HMCN2: variants seen among roughly 807,000 people sequenced by gnomAD.
The protein encoded by HMCN2 is hemicentin-2.
In HMCN2, 325 loss-of-function variants were observed where a neutral mutation model predicts 377.5. The observed-to-expected ratio is 0.86, with a 90% CI of 0.79 to 0.94. The LOEUF is 0.94. HMCN2 is among the 40% of genes least tolerant of loss of function. The probability of loss-of-function intolerance (pLI) is 0.00; values close to 1 mark genes in which losing one functional copy is unlikely to be tolerated. For synonymous variants in HMCN2, 2,007 were observed against 2,046.8 expected, an observed-to-expected ratio of 0.98 and a Z score of 0.53; for missense variants, 4,543 against 4,725.3, an observed-to-expected ratio of 0.96 and a Z score of 1.13.
Position 130,348,537 on chromosome 9 carries a change from C to A in HMCN2, c.4025-8C>A. On this transcript the variant is annotated splice_polypyrimidine_tract_variant and splice_region_variant and intron_variant, in intron 26 of 97. Coordinates refer to ENST00000683500, the MANE Select transcript of HMCN2 (RefSeq NM_001291815.2). Reference sequence around the variant, plus strand: ...GGAAGCAGCTCCTCGGCTCTCCTTGCCCCCAAGTGCCCCCCAGCATCCGGG... The same window carrying A: ...GGAAGCAGCTCCTCGGCTCTCCTTGACCCCAAGTGCCCCCCAGCATCCGGG... 1 of 1,303,440 alleles carries A rather than the reference C, an allele frequency of 7.7e-7. No homozygotes were observed. Among genetic ancestry groups the A allele is most frequent in the Non-Finnish European group, 1.0e-6 (1 of 988,676 alleles). 80.7% of individuals were successfully genotyped at this position (1,303,440 alleles called of 1,614,324 possible). A position where few individuals can be genotyped will look rare whatever the true frequency, so the allele number is the denominator to read the frequency against.
At chr9:130,313,606 C>CCCA (rs1554939716) in intron 15 of HMCN2, among the ~76,000 whole-genome samples, 1 of 151,770 alleles carries the variant, frequency 6.6e-6, no homozygotes, top group Non-Finnish European at 1.5e-5. Context: ...GGGCACCCCC[C>CCCA]CCCATAAACC....
At chr9:130,384,107 G>A (rs964844913) in intron 57 of HMCN2, among the ~76,000 whole-genome samples, 1 of 152,224 alleles carries the variant, frequency 6.6e-6, no homozygotes. Context: ...AGCCCTCAAG[G>A]TCATGGGCTC....
chr9:130,399,073 T>G (rs1842744098), intron 75 of HMCN2, among the ~76,000 whole-genome samples: 1 of 151,700 alleles, frequency 6.6e-6, no homozygotes, highest in Non-Finnish European at 1.5e-5. Context: ...GGCAACATAG[T>G]GAGACCCCAT....
rs528022430 is a variant in HMCN2 at position 130,428,313 on chromosome 9, C to T, written c.14066-45C>T. The T allele has an allele frequency of 8.7e-6, 13 of 1,491,072 alleles. No homozygotes were observed. The African/African-American group carries it at 1.8e-4, about 21-fold the overall frequency. The allele number at this position is 1,491,072 out of a possible 1,614,324, so 92.4% of individuals were successfully genotyped here. On this transcript the variant is annotated intron_variant, in intron 92 of 97. Coordinates refer to ENST00000683500, the MANE Select transcript of HMCN2 (RefSeq NM_001291815.2). This position sits in a 1 kb window ranked among gnomAD's most constrained non-coding sequence, Gnocchi z 5.0. ...GCCAGGGTCAGGTGGCGAGGCACGC[C>T]TGGGGATCATGTTCACACAGCCGTC...
chr9:130,316,484 G>A lies in HMCN2; in HGVS notation c.2351-3011G>A, dbSNP rs961576155. On this transcript the variant is annotated intron_variant, in intron 15 of 97. Coordinates refer to ENST00000683500, the MANE Select transcript of HMCN2 (RefSeq NM_001291815.2). ...AGGCGGCAGCCCCTCCTGTCCCCTC[G>A]CCCCATCCCAGGCTGGTGGCAGGCC... 1.3e-4 allele frequency among the ~76,000 whole-genome samples: 20 copies of A among 152,162 alleles called. No individual in the cohort carries two copies. In the South Asian group the frequency reaches 3.9e-3, roughly 30 times the overall value.
chr9:130,417,988 A>G (rs1321501800), intron 85 of HMCN2, among the ~76,000 whole-genome samples: 1 of 152,164 alleles, frequency 6.6e-6, no homozygotes, highest in African/African-American at 2.4e-5. Context: ...AGGAAGCATC[A>G]TCCCCATATT....
intron 83 of HMCN2, among the ~76,000 whole-genome samples, chr9:130,408,349 G>GT (rs1478164785): frequency 9.2e-5 from 14 of 152,140 alleles, no homozygotes; most frequent in Admixed American, 7.9e-4. Context: ...TAGGGTTCTT[G>GT]TTTTTTTATA....
At chr9:130,306,050 A>G (rs1554936544) in intron 11 of HMCN2, 79 bp from the exon 12 acceptor site, 5 of 445,436 alleles carry the variant, frequency 1.1e-5, no homozygotes, top group African/African-American at 8.1e-5. Flanking sequence ...TGGGAGGGGA[A>G]GAGCCCGGGG....
intron 22 of HMCN2, among the ~76,000 whole-genome samples, chr9:130,330,850 C>T (rs1838386974): frequency 6.6e-6 from 1 of 152,058 alleles, no homozygotes; most frequent in South Asian, 2.1e-4. Flanking sequence ...GCAAAATAGA[C>T]CGGTCATGGT....
In HMCN2 at chr9:130,349,633, C is replaced by T. The variant is rs576048381; in HGVS notation, c.4400C>T (p.Thr1467Met). 1.1e-3 allele frequency: 1,484 copies of T among 1,304,036 alleles called. 1 individual carries two copies. Among genetic ancestry groups the T allele is most frequent in the Non-Finnish European group, 1.3e-3 (1,286 of 988,808 alleles). The allele number at this position is 1,304,036 out of a possible 1,614,324, so 80.8% of individuals were successfully genotyped here. A position where few individuals can be genotyped will look rare whatever the true frequency, so the allele number is the denominator to read the frequency against. Residue 1467 changes from threonine to methionine, a missense_variant, in exon 29 of 98, where the codon ACG becomes ATG. Physicochemically the swap from Thr to Met is moderately conservative, Grantham distance 81. This residue lies in a region of HMCN2 where 1,032 missense variants were observed against 1,285.1 expected (regional missense o/e 0.80). Coordinates refer to ENST00000683500, the MANE Select transcript of HMCN2 (RefSeq NM_001291815.2). Reference protein sequence around the residue: ...ELQCWTSGVPTPQVEWTKDRQ... With the variant: ...ELQCWTSGVPMPQVEWTKDRQ... ...CAGTGTTGGACCTCAGGGGTCCCCA[C>T]GCCCCAGGTGGAGTGGACCAAGGAC... is the stretch of plus-strand genomic sequence containing the variant.
In HMCN2 at chr9:130,425,766, T is replaced by G; in HGVS notation, c.13721T>G (p.Leu4574Arg). Residue 4574 changes from leucine (L) to arginine (R), a missense_variant, in exon 90 of 98, where the codon CTC becomes CGC. Around this residue, in one of 5 missense-constraint regions of HMCN2, gnomAD observed 1,155 missense variants for 1,157.7 expected, o/e 1.00. Coordinates refer to ENST00000683500, the MANE Select transcript of HMCN2 (RefSeq NM_001291815.2). ...GSTQRFFQGG[L>R]PSFLRCNHSI... is the part of the protein sequence containing the mutation. ...ACACAGCGCTTCTTCCAGGGCGGCC[T>G]CCCCTCGTTCCTACGCTGCAACCAC... The G allele has an allele frequency of 6.5e-7, 1 of 1,548,544 alleles. No homozygotes were observed. Among genetic ancestry groups the G allele is most frequent in the Non-Finnish European group, 8.7e-7 (1 of 1,146,182 alleles).
At chr9:130,323,373 G>A (rs1331502325) in intron 19 of HMCN2, among the ~76,000 whole-genome samples, 2 of 152,096 alleles carry the variant, frequency 1.3e-5, no homozygotes, top group Admixed American at 6.5e-5. Context: ...TAGAGACCCC[G>A]TGTTCAAGCC....
At chr9:130,367,353 C>G (rs573914665) in intron 43 of HMCN2, among the ~76,000 whole-genome samples, 2 of 152,040 alleles carry the variant, frequency 1.3e-5, no homozygotes, top group Non-Finnish European at 2.9e-5. Context: ...GCTGAGGTCA[C>G]CAGGACAGAG....
chr9:130,277,799 TCAC>T (rs1834802432), intron 1 of HMCN2, among the ~76,000 whole-genome samples: 1 of 80,700 alleles, frequency 1.2e-5, no homozygotes, highest in Non-Finnish European at 2.6e-5. Context: ...ACCATCATCA[TCAC>T]CACCACCACC....
Position 130,356,242 on chromosome 9 carries a change from G to A in HMCN2, c.5410G>A (p.Glu1804Lys), listed in dbSNP as rs1285430314. The A allele has an allele frequency of 1.5e-6, 2 of 1,299,314 alleles. No homozygotes were observed. The highest frequency in any genetic ancestry group is 4.6e-5 in the Admixed American group (2 of 43,062). The allele number at this position is 1,299,314 out of a possible 1,614,324, so 80.5% of individuals were successfully genotyped here. A position where few individuals can be genotyped will look rare whatever the true frequency, so the allele number is the denominator to read the frequency against. The change falls in exon 34 of 98, where the codon GAG becomes AAG. Residue 1804 changes from glutamate to lysine, a missense_variant. Glu to Lys is a moderately conservative substitution (Grantham distance 56). This residue lies in a region of HMCN2 where 1,032 missense variants were observed against 1,285.1 expected (regional missense o/e 0.80). Transcript: ENST00000683500. ...NEAGTAGAEV[E>K]VSVHEFPSVS... ...GGCGGGCACTGCCGGGGCCGAGGTG[G>A]AGGTGTCTGTGCATGGTGAGTGGGC... is the stretch of plus-strand genomic sequence containing the variant.
rs1480558414 is a variant in HMCN2, at chr9:130,403,801, A to T, written c.12074A>T (p.Asp4025Val). The T allele has an allele frequency of 1.6e-6, 2 of 1,289,642 alleles. No individual in the cohort carries two copies. The highest frequency in any genetic ancestry group is 4.6e-5 in the Admixed American group (2 of 43,546). The allele number at this position is 1,289,642 out of a possible 1,614,324, so 79.9% of individuals were successfully genotyped here. The change falls in exon 80 of 98, where the codon GAT becomes GTT. Residue 4025 changes from aspartate (D) to valine (V), a missense_variant. Physicochemically the swap from Asp to Val is radical, Grantham distance 152. Around this residue, in one of 5 missense-constraint regions of HMCN2, gnomAD observed 1,073 missense variants for 1,319.5 expected, o/e 0.81. Coordinates refer to ENST00000683500, the MANE Select transcript of HMCN2 (RefSeq NM_001291815.2). ...QLRIAHASPEDAGNYLCIAKN... is the reference protein window; with the variant it reads ...QLRIAHASPEVAGNYLCIAKN... Reference sequence around the variant, plus strand: ...CGGATTGCCCATGCCAGCCCAGAGGATGCTGGAAACTATCTCTGCATCGCT... The same window carrying T: ...CGGATTGCCCATGCCAGCCCAGAGGTTGCTGGAAACTATCTCTGCATCGCT...
Position 130,351,615 on chromosome 9 carries a change from A to G in HMCN2, c.4585+38A>G, listed in dbSNP as rs1284867268. 7.8e-7 allele frequency: 1 copy of G among 1,282,456 alleles called. No individual in the cohort carries two copies. Among genetic ancestry groups the G allele is most frequent in the South Asian group, 1.3e-5 (1 of 79,010 alleles). The allele number at this position is 1,282,456 out of a possible 1,614,324, so 79.4% of individuals were successfully genotyped here. On this transcript the variant is annotated intron_variant, in intron 30 of 97. Coordinates refer to ENST00000683500, the MANE Select transcript of HMCN2 (RefSeq NM_001291815.2). This position sits in a 1 kb window ranked among gnomAD's most constrained non-coding sequence, Gnocchi z 5.4. ...GCCTTCTGGGACCCCGCCACAGGCT[A>G]CTCAGGAAGCTTCCCACCCAGCTGC...
Position 130,348,526 on chromosome 9 carries a change from G to A in HMCN2, c.4025-19G>A, listed in dbSNP as rs1038296980. The A allele has an allele frequency of 5.3e-5, 69 of 1,302,662 alleles. No homozygotes were observed. The highest frequency in any genetic ancestry group is 6.6e-5 in the Non-Finnish European group (65 of 988,562). The allele number at this position is 1,302,662 out of a possible 1,614,324, so 80.7% of individuals were successfully genotyped here. A position where few individuals can be genotyped will look rare whatever the true frequency, so the allele number is the denominator to read the frequency against. ...TAAGGGGGCAGGGAAGCAGCTCCTC[G>A]GCTCTCCTTGCCCCCAAGTGCCCCC... On this transcript the variant is annotated intron_variant, in intron 26 of 97. Coordinates refer to ENST00000683500, the MANE Select transcript of HMCN2 (RefSeq NM_001291815.2).
At chr9:130,333,490 G>C (rs1838538670) in intron 22 of HMCN2, among the ~76,000 whole-genome samples, 1 of 152,180 alleles carries the variant, frequency 6.6e-6, no homozygotes, top group South Asian at 2.1e-4. Context: ...CACTGCAGGG[G>C]CTCAAGCCAG....
Sources: gnomAD v4.1 joint callset for allele counts (sites outside exome capture counted in the v4.1 genomes callset) on GRCh38, gnomAD v4.1.1 for gene constraint, gnomAD v4.1.1 regional missense constraint, Gnocchi (gnomAD v3.1) non-coding constraint, MANE v1.5 for transcripts, NCBI Gene and HGNC (gene_info 2026-07-23, HGNC 2026-07-21) for gene names.